The following DPYD variants were observed in gnomAD, a reference collection of about 807,000 sequenced individuals.
DPYD encodes the protein dihydropyrimidine dehydrogenase [NADP(+)].
DPYD carries 109 observed loss-of-function variants against 116.2 expected under a neutral mutation model. The ratio of observed to expected loss-of-function variants is 0.94; its 90% CI spans 0.80 to 1.10. The LOEUF (loss-of-function observed/expected upper bound fraction) is 1.10. Ranked by LOEUF, DPYD falls within the 50% of genes least tolerant of loss-of-function variation. The pLI is 0.00. For missense variants in DPYD, 1,302 were observed against 1,254.5 expected (o/e 1.04, Z -0.57); for synonymous variants, 440 against 432.0 (o/e 1.02, Z -0.23).
chr1:97,648,823 AT>A (rs1343379195), intron 8 of DPYD, among the ~76,000 whole-genome samples: 5 of 152,048 alleles, frequency 3.3e-5, no homozygotes, highest in Non-Finnish European at 5.9e-5. Context: ...CTTTTTAATC[AT>A]AATCACTTGG....
intron 20 of DPYD, among the ~76,000 whole-genome samples, chr1:97,102,484 T>TATC (rs1377998838): frequency 9.2e-5 from 7 of 75,932 alleles, no homozygotes; most frequent in Non-Finnish European, 1.7e-4. Context: ...TCTATCTATC[T>TATC]ATCTATCTAT....
intron 5 of DPYD, among the ~76,000 whole-genome samples, chr1:97,703,603 A>T (rs1409836316): frequency 6.6e-6 from 1 of 152,040 alleles, no homozygotes; most frequent in Admixed American, 6.6e-5. Context: ...AGTTCAAATT[A>T]AAATTAAAAT....
intron 4 of DPYD, among the ~76,000 whole-genome samples, chr1:97,724,352 GTGTGTGTGTGTGTATGAGATT>G (rs1663113437): frequency 7.8e-6 from 1 of 127,592 alleles, no homozygotes; most frequent in Non-Finnish European, 1.7e-5. Flanking sequence ...GTGTGTGTGT[GTGTGTGTGTGTGTATGAGATT>G]TATTATAGGA....
chr1:97,287,070 G>A (rs1260458430), intron 18 of DPYD, among the ~76,000 whole-genome samples: 3 of 152,052 alleles, frequency 2.0e-5, no homozygotes, highest in Non-Finnish European at 2.9e-5. Context: ...TCTACTTTTG[G>A]TCTTTGATGA....
At chr1:97,916,264 C>A (rs149743413) in intron 1 of DPYD, among the ~76,000 whole-genome samples, 380 of 152,018 alleles carry the variant, frequency 2.5e-3, no homozygotes, top group African/African-American at 8.5e-3. Flanking sequence ...ATACATGTGC[C>A]ATGTTGGTGT....
chr1:97,833,746 C>T (rs1669638121), intron 2 of DPYD, among the ~76,000 whole-genome samples: 2 of 152,062 alleles, frequency 1.3e-5, no homozygotes, highest in Admixed American at 1.3e-4. Context: ...TGAACCCCAA[C>T]TCAATCCTAA....
At chr1:97,558,926 A>C (rs1229320758) in intron 11 of DPYD, among the ~76,000 whole-genome samples, 2 of 152,158 alleles carry the variant, frequency 1.3e-5, no homozygotes, top group Non-Finnish European at 2.9e-5. Context: ...CTTGAAGTAA[A>C]TATATGGGAA....
intron 2 of DPYD, among the ~76,000 whole-genome samples, chr1:97,839,415 G>T (rs1186625408): frequency 6.6e-6 from 1 of 151,858 alleles, no homozygotes; most frequent in Non-Finnish European, 1.5e-5. Context: ...GTTTTATGTT[G>T]CAGCTTTTTG....
intron 18 of DPYD, among the ~76,000 whole-genome samples, chr1:97,292,626 C>A (rs1426771951): frequency 6.6e-6 from 1 of 152,064 alleles, no homozygotes; most frequent in African/African-American, 2.4e-5. Context: ...AAGGGTGAAA[C>A]TAAAGAAAGG....
intron 21 of DPYD, among the ~76,000 whole-genome samples, chr1:97,096,482 A>G (rs1016486641): frequency 3.3e-5 from 5 of 152,264 alleles, no homozygotes; most frequent in Non-Finnish European, 7.4e-5. Flanking sequence ...GAGAATTCCT[A>G]TTGAGAGGTG....
chr1:97,148,046 A>G (rs1284871079), intron 20 of DPYD, among the ~76,000 whole-genome samples: 2 of 150,512 alleles, frequency 1.3e-5, no homozygotes, highest in Non-Finnish European at 3.0e-5. Context: ...GGGAGATATA[A>G]GCTAGAAACT....
chr1:97,131,710 G>T (rs1363160534), intron 20 of DPYD, among the ~76,000 whole-genome samples: 1 of 152,210 alleles, frequency 6.6e-6, no homozygotes, highest in East Asian at 1.9e-4. Context: ...GTGAAATCAA[G>T]GTGCTCCTAC....
At chr1:97,633,151 A>T (rs143808816) in intron 8 of DPYD, among the ~76,000 whole-genome samples, 1 of 152,176 alleles carries the variant, frequency 6.6e-6, no homozygotes, top group Non-Finnish European at 1.5e-5. Context: ...AATGTGAAGT[A>T]AACCATGTTT....
At position 97,887,469 on chromosome 1, in the gene DPYD, TAAAAAAAAAA is replaced by T. The variant is rs57316508; in HGVS notation, c.40-4105_40-4096del. Among the ~76,000 whole-genome samples the T allele has an allele frequency of 5.5e-4, 26 of 47,140 alleles. 1 individual carries two copies. Among genetic ancestry groups the T allele is most frequent in the Admixed American group, 2.8e-3 (10 of 3,566 alleles). 30.9% of individuals were successfully genotyped at this position (47,140 alleles called of 152,430 possible). On this transcript the variant is annotated intron_variant, in intron 1 of 22. Coordinates refer to ENST00000370192, the MANE Select transcript of DPYD (RefSeq NM_000110.4). ...TGGGTGACAAAGTGAGACTCTGCAT[TAAAAAAAAAA>T]AAAAAAAAAAAAAAAAGTATATCCA...
At chr1:97,329,951 C>T (rs1249478586) in intron 16 of DPYD, among the ~76,000 whole-genome samples, 2 of 151,448 alleles carry the variant, frequency 1.3e-5, no homozygotes, top group African/African-American at 4.9e-5. Flanking sequence ...TATGTTATTT[C>T]TGGTCACTTC....
In DPYD at chr1:97,323,425, CAT is replaced by C. The variant is rs748644945; in HGVS notation, c.2059-17130_2059-17129del. Among the ~76,000 whole-genome samples the C allele has an allele frequency of 6.2e-4, 44 of 71,208 alleles. 2 individuals are homozygous for C. The highest frequency in any genetic ancestry group is 2.0e-3 in the South Asian group (5 of 2,466). 46.7% of individuals were successfully genotyped at this position (71,208 alleles called of 152,430 possible). ...ATGTGTATATGTACACGTATATATA[CAT>C]ATGTGTATATGTACACGTATATACA... is the stretch of plus-strand genomic sequence containing the variant. On this transcript the variant is annotated intron_variant, in intron 16 of 22. Coordinates refer to ENST00000370192, the MANE Select transcript of DPYD (RefSeq NM_000110.4).
At chr1:97,535,455 A>T (rs1011905272) in intron 12 of DPYD, among the ~76,000 whole-genome samples, 7 of 152,124 alleles carry the variant, frequency 4.6e-5, no homozygotes, top group Non-Finnish European at 8.8e-5. Context: ...TTAATACTCC[A>T]TCAACATGAA....
At chr1:97,541,273 T>C (rs1650432783) in intron 12 of DPYD, among the ~76,000 whole-genome samples, 1 of 152,218 alleles carries the variant, frequency 6.6e-6, no homozygotes. Context: ...ATTAGTTATA[T>C]GGATGCAAAA....
At chr1:97,219,394 G>A (rs985590441) in intron 19 of DPYD, among the ~76,000 whole-genome samples, 3 of 152,218 alleles carry the variant, frequency 2.0e-5, no homozygotes, top group African/African-American at 7.2e-5. Context: ...ATTCTGGAAA[G>A]AGATGTGTGT....
Sources: gnomAD v4.1 joint callset for allele counts (sites outside exome capture counted in the v4.1 genomes callset) on GRCh38, gnomAD v4.1.1 for gene constraint, MANE v1.5 for transcripts, NCBI Gene and HGNC (gene_info 2026-07-23, HGNC 2026-07-21) for gene names.